Variants in CALB2 observed in about 807,000 individuals in gnomAD.
The protein encoded by CALB2 is calbindin 2.
CALB2 carries 34 observed loss-of-function variants against 45.9 expected under a neutral mutation model. The observed-to-expected ratio is 0.74, with a 90% CI of 0.56 to 0.99. The LOEUF (loss-of-function observed/expected upper bound fraction) is 0.99. Among genes scored for constraint, CALB2 ranks in the 50% least tolerant of loss-of-function variants. CALB2 has a pLI of 0.00. For synonymous variants in CALB2, 142 were observed against 129.6 expected (o/e 1.10, Z -0.65); for missense variants, 344 against 339.3 (o/e 1.01, Z -0.11).
At chr16:71,384,101 T>C (rs2042535374) in intron 7 of CALB2, 76 bp downstream of exon 7, 1 of 1,519,046 alleles carries the variant, frequency 6.6e-7, no homozygotes, top group African/African-American at 1.4e-5. Context: ...CTGAGATCCA[T>C]TGGTGGGAAA....
intron 1 of CALB2, among the ~76,000 whole-genome samples, chr16:71,370,309 C>T (rs1256059752): frequency 6.6e-6 from 1 of 152,198 alleles, no homozygotes; most frequent in Non-Finnish European, 1.5e-5. Context: ...CCTTTATTTT[C>T]TCTGTTGCGT....
Position 71,384,831 on chromosome 16 carries a change from G to T in CALB2, c.622G>T (p.Asp208Tyr). The T allele has an allele frequency of 6.2e-7, 1 of 1,612,248 alleles. No individual in the cohort carries two copies. The highest frequency in any genetic ancestry group is 8.5e-7 in the Non-Finnish European group (1 of 1,178,966). Reference sequence around the variant, plus strand: ...GTTTAACGCGATCTTCACATTTTACGACAAGGTAAGAGAGGGAGTTGGCAT... The same window carrying T: ...GTTTAACGCGATCTTCACATTTTACTACAAGGTAAGAGAGGGAGTTGGCAT... ...EEFNAIFTFY[D>Y]KDRSGYIDEH... The change falls in exon 9 of 11, where the codon GAC becomes TAC. Residue 208 changes from aspartate to tyrosine, a missense_variant. By Grantham distance (160) the Asp-to-Tyr change is radical. Coordinates refer to ENST00000302628, the MANE Select transcript of CALB2 (RefSeq NM_001740.5).
At position 71,366,022 on chromosome 16, in the gene CALB2, C is replaced by CTTTTTTTTTTTTTTTTTT. The variant is rs1447467571; in HGVS notation, c.95-6130_95-6129insTTTTTTTTTTTTTTTTTT. Among the ~76,000 whole-genome samples the CTTTTTTTTTTTTTTTTTT allele has an allele frequency of 1.0e-3, 51 of 50,534 alleles. 10 individuals are homozygous for CTTTTTTTTTTTTTTTTTT. The highest frequency in any genetic ancestry group is 1.3e-3 in the Non-Finnish European group (37 of 29,276). 33.2% of individuals were successfully genotyped at this position (50,534 alleles called of 152,430 possible). A position where few individuals can be genotyped will look rare whatever the true frequency, so the allele number is the denominator to read the frequency against. On this transcript the variant is annotated intron_variant, in intron 1 of 10. Coordinates refer to ENST00000302628, the MANE Select transcript of CALB2 (RefSeq NM_001740.5). Reference sequence around the variant, plus strand: ...TTTCTTTGTTTTCTTCCCTCTCTCTCTCTTTTTTTTTTTTTTTTTTTTGAG... The same window carrying CTTTTTTTTTTTTTTTTTT: ...TTTCTTTGTTTTCTTCCCTCTCTCTCTTTTTTTTTTTTTTTTTTTCTTTTTTTTTTTTTTTTTTTTGAG...
chr16:71,381,200 C>T (rs567117687), intron 4 of CALB2, among the ~76,000 whole-genome samples: 5 of 152,036 alleles, frequency 3.3e-5, no homozygotes, highest in Admixed American at 6.6e-5. Flanking sequence ...TAAGTGCCTG[C>T]GAGTTGTTGG....
At chr16:71,376,487 A>G (rs2042413355) in intron 3 of CALB2, among the ~76,000 whole-genome samples, 2 of 152,138 alleles carry the variant, frequency 1.3e-5, no homozygotes, top group African/African-American at 2.4e-5. Flanking sequence ...ACCCACATGC[A>G]TCCACATACA....
chr16:71,385,542 T>G (rs1396974941), intron 9 of CALB2, 35 bp from the exon 10 acceptor site: 1 of 1,607,298 alleles, frequency 6.2e-7, no homozygotes. Context: ...GGCCCAGGCT[T>G]TAGAGCTCTG....
chr16:71,377,154 A>G (rs1475654340), intron 3 of CALB2, among the ~76,000 whole-genome samples: 2 of 152,216 alleles, frequency 1.3e-5, no homozygotes, highest in Non-Finnish European at 2.9e-5. Flanking sequence ...TCAAAAATCG[A>G]ATTATTGCAG....
Position 71,389,805 on chromosome 16 carries a change from G to A in CALB2, c.756G>A (p.Glu252=), listed in dbSNP as rs1194991014. ...GAAAGAGCGTCATGTCCTTGGCAGA[G>A]GCAGGGAAGCTCTACCGCAAGGACC... is the stretch of plus-strand genomic sequence containing the variant. ...NYRKSVMSLA[E]AGKLYRKDLE... Residue 252 remains glutamate, a synonymous_variant, in exon 11 of 11, where the codon GAG becomes GAA. Transcript: ENST00000302628. 8 of 1,614,086 alleles carry A rather than the reference G, an allele frequency of 5.0e-6. No individual in the cohort carries two copies. In the East Asian group the frequency reaches 1.6e-4, roughly 31 times the overall value.
intron 10 of CALB2, among the ~76,000 whole-genome samples, chr16:71,389,145 G>C (rs565525879): frequency 6.6e-6 from 1 of 152,180 alleles, no homozygotes; most frequent in Non-Finnish European, 1.5e-5. Context: ...CCGAGATCGT[G>C]TCACTTCACT....
chr16:71,383,239 C>A, intron 5 of CALB2, 128 bp from the exon 6 acceptor site: 2 of 867,616 alleles, frequency 2.3e-6, no homozygotes, highest in South Asian at 1.5e-5. Flanking sequence ...GGCCCTGAGT[C>A]ATAGAACTGG....
chr16:71,358,967 G>A, intron 1 of CALB2, 81 bp downstream of exon 1: 7 of 1,251,574 alleles, frequency 5.6e-6, no homozygotes, highest in South Asian at 5.4e-5. Context: ...CGCTGAATGC[G>A]GGCAGGTGTA....
At chr16:71,366,307 G>T (rs1312627722) in intron 1 of CALB2, among the ~76,000 whole-genome samples, 2 of 140,662 alleles carry the variant, frequency 1.4e-5, no homozygotes, top group Non-Finnish European at 3.0e-5. Context: ...TTACAGGCGT[G>T]AGCCACAGTG....
intron 7 of CALB2, 58 bp downstream of exon 7, chr16:71,384,083 AT>A: frequency 6.4e-7 from 1 of 1,563,384 alleles, no homozygotes; most frequent in Non-Finnish European, 8.8e-7. Context: ...TTCCTGTGTT[AT>A]CCGTCTCTGA....
At chr16:71,380,469 C>T (rs1169897960) in intron 4 of CALB2, among the ~76,000 whole-genome samples, 1 of 149,780 alleles carries the variant, frequency 6.7e-6, no homozygotes, top group Admixed American at 6.7e-5. Flanking sequence ...CCACCACTTC[C>T]GGTGAATTTT....
chr16:71,364,235 G>A (rs924309548), intron 1 of CALB2, among the ~76,000 whole-genome samples: 4 of 152,086 alleles, frequency 2.6e-5, no homozygotes, highest in South Asian at 2.1e-4. Context: ...GGGGGAGCCC[G>A]CCTAAGGGAC....
At chr16:71,381,748 T>A (rs62055055) in intron 4 of CALB2, among the ~76,000 whole-genome samples, 1 of 151,854 alleles carries the variant, frequency 6.6e-6, no homozygotes, top group African/African-American at 2.4e-5. Context: ...GCATGGTGGC[T>A]CATGCCTGTA....
At chr16:71,369,520 A>G (rs2042323296) in intron 1 of CALB2, among the ~76,000 whole-genome samples, 2 of 152,106 alleles carry the variant, frequency 1.3e-5, no homozygotes, top group Non-Finnish European at 2.9e-5. Flanking sequence ...GCTCTTGGAA[A>G]CATACCATGC....
chr16:71,386,018 C>A (rs1025930356), intron 10 of CALB2, among the ~76,000 whole-genome samples: 2 of 152,172 alleles, frequency 1.3e-5, no homozygotes, highest in Admixed American at 6.5e-5. Context: ...TCCCCTGTCC[C>A]CCATCTCCTG....
chr16:71,372,941 A>T (rs1232370265), intron 2 of CALB2, among the ~76,000 whole-genome samples: 2 of 152,136 alleles, frequency 1.3e-5, no homozygotes, highest in African/African-American at 4.8e-5. Context: ...GGCTGGCCTC[A>T]TTTGTGGTGG....
Sources: allele counts gnomAD v4.1 joint callset (sites outside exome capture counted in the v4.1 genomes callset), GRCh38; gene constraint gnomAD v4.1.1; transcripts MANE v1.5; gene names NCBI Gene and HGNC (gene_info 2026-07-23, HGNC 2026-07-21).